The following SNTG1 variants were observed in gnomAD, a reference collection of about 807,000 sequenced individuals.
The protein encoded by SNTG1 is gamma-1-syntrophin.
Under a neutral mutation model 74.7 loss-of-function variants are expected in SNTG1, and 39 were observed. That is an observed-to-expected ratio of 0.52 (90% CI 0.40 to 0.68). SNTG1 has a LOEUF of 0.68. Ranked by LOEUF, SNTG1 falls within the 30% of genes least tolerant of loss-of-function variation. The probability of loss-of-function intolerance (pLI) is 0.00; values close to 1 mark genes in which losing one functional copy is unlikely to be tolerated. For synonymous variants in SNTG1, 254 were observed against 217.1 expected (o/e 1.17, Z -1.49); for missense variants, 685 against 609.5 (o/e 1.12, Z -1.30).
chr8:50,010,510 T>C (rs890311202), intron 1 of SNTG1, among the ~76,000 whole-genome samples: 1 of 152,174 alleles, frequency 6.6e-6, no homozygotes, highest in South Asian at 2.1e-4. Flanking sequence ...TCTGAATGTA[T>C]GATAGGATTA....
chr8:50,614,348 G>A (rs1347142905), intron 13 of SNTG1, among the ~76,000 whole-genome samples: 1 of 151,932 alleles, frequency 6.6e-6, no homozygotes, highest in Non-Finnish European at 1.5e-5. Flanking sequence ...TTTCTTTCTA[G>A]ATAAGAAGGC....
intron 1 of SNTG1, among the ~76,000 whole-genome samples, chr8:50,019,751 A>G (rs1294552191): frequency 6.6e-6 from 1 of 152,104 alleles, no homozygotes; most frequent in Admixed American, 6.6e-5. Context: ...GATAATGAGG[A>G]AATGACTGTA....
chr8:50,266,433 C>T (rs1224361388), intron 2 of SNTG1, among the ~76,000 whole-genome samples: 2 of 151,504 alleles, frequency 1.3e-5, no homozygotes, highest in Non-Finnish European at 2.9e-5. Context: ...CAAAAGTTAA[C>T]TTAAAATAGA....
intron 13 of SNTG1, among the ~76,000 whole-genome samples, chr8:50,625,828 A>G (rs2094952812): frequency 6.6e-6 from 1 of 152,230 alleles, no homozygotes; most frequent in African/African-American, 2.4e-5. Flanking sequence ...CTTAAAAATG[A>G]CAAGAGTTTT....
intron 1 of SNTG1, among the ~76,000 whole-genome samples, chr8:50,033,979 G>A (rs930593655): frequency 5.3e-5 from 8 of 152,120 alleles, no homozygotes; most frequent in Admixed American, 2.6e-4. Flanking sequence ...TGTACTTTTA[G>A]CAGTCACTCT....
intron 15 of SNTG1, among the ~76,000 whole-genome samples, chr8:50,692,886 T>G (rs2095387925): frequency 6.6e-6 from 1 of 152,220 alleles, no homozygotes; most frequent in Non-Finnish European, 1.5e-5. Context: ...CCTTGAGCTG[T>G]GGTAGGCTCC....
chr8:50,071,846 A>T (rs1484642308), intron 1 of SNTG1, among the ~76,000 whole-genome samples: 1 of 151,926 alleles, frequency 6.6e-6, no homozygotes, highest in African/African-American at 2.4e-5. Context: ...TTAATTATGC[A>T]ACAATAAAAA....
chr8:50,726,616 G>A (rs904075946), intron 17 of SNTG1, among the ~76,000 whole-genome samples: 5 of 152,206 alleles, frequency 3.3e-5, no homozygotes, highest in South Asian at 2.1e-4. Context: ...TTGGGAGGCC[G>A]AGGCAGGTGG....
chr8:50,654,906 A>C (rs1371555012), intron 13 of SNTG1, among the ~76,000 whole-genome samples: 3 of 152,172 alleles, frequency 2.0e-5, no homozygotes, highest in Non-Finnish European at 4.4e-5. Context: ...ATGTTTACTA[A>C]GGCCTCCACA....
intron 4 of SNTG1, among the ~76,000 whole-genome samples, chr8:50,433,821 G>T (rs2093270570): frequency 1.3e-5 from 2 of 152,122 alleles, no homozygotes. Flanking sequence ...AAAAAGTCGA[G>T]GGCATAGTTC....
chr8:50,515,504 G>C lies in SNTG1; in HGVS notation c.466+12624G>C, dbSNP rs115363616. ...TGAAGCCAAGGAGCCAAATGGTGTA[G>C]CTCAGCAGATCCCACCCCCACGGAC... On this transcript the variant is annotated intron_variant, in intron 9 of 18. Coordinates refer to ENST00000642720, the MANE Select transcript of SNTG1 (RefSeq NM_018967.5). Among the ~76,000 whole-genome samples the C allele has an allele frequency of 2.8e-3, 415 of 149,530 alleles. 3 individuals are homozygous for C. The highest frequency in any genetic ancestry group is 9.9e-3 in the African/African-American group (399 of 40,502).
chr8:50,182,642 G>A (rs530473279), intron 2 of SNTG1, among the ~76,000 whole-genome samples: 18 of 151,970 alleles, frequency 1.2e-4, no homozygotes, highest in East Asian at 1.9e-4. Flanking sequence ...GTGTGTGTGC[G>A]TGTGTGTGTA....
rs189260472 is a variant in SNTG1, at chr8:50,474,661, C to A, written c.363+23932C>A. 4.8e-3 allele frequency among the ~76,000 whole-genome samples: 730 copies of A among 152,230 alleles called. 1 individual carries two copies. Among genetic ancestry groups the A allele is most frequent in the Admixed American group, 7.5e-3 (115 of 15,286 alleles). On this transcript the variant is annotated intron_variant, in intron 8 of 18. Coordinates refer to ENST00000642720, the MANE Select transcript of SNTG1 (RefSeq NM_018967.5). ...AAACTAGTTCAAATGTTGTGGAAGT[C>A]GGTGTGGCAATTCCTCAGGGATCTA...
intron 17 of SNTG1, among the ~76,000 whole-genome samples, chr8:50,733,039 C>T (rs957919673): frequency 6.6e-6 from 1 of 151,892 alleles, no homozygotes; most frequent in Admixed American, 6.6e-5. Flanking sequence ...GCCACTCAGA[C>T]TGTGAGCATA....
intron 1 of SNTG1, among the ~76,000 whole-genome samples, chr8:50,141,382 T>A (rs1488577536): frequency 6.6e-6 from 1 of 152,184 alleles, no homozygotes; most frequent in Non-Finnish European, 1.5e-5. Context: ...GTTTTTAATT[T>A]CCAGAATTCT....
At chr8:49,941,657 C>T (rs1808703945) in intron 1 of SNTG1, among the ~76,000 whole-genome samples, 1 of 152,148 alleles carries the variant, frequency 6.6e-6, no homozygotes, top group African/African-American at 2.4e-5. Context: ...CTCTGGCTGC[C>T]TGCCTGCCTT....
chr8:50,073,939 G>A (rs1034811863), intron 1 of SNTG1, among the ~76,000 whole-genome samples: 1 of 149,068 alleles, frequency 6.7e-6, no homozygotes, highest in South Asian at 2.2e-4. Flanking sequence ...TAGAGCACAA[G>A]CATACTAGAT....
intron 13 of SNTG1, among the ~76,000 whole-genome samples, chr8:50,633,712 G>A (rs542746431): frequency 6.6e-5 from 10 of 152,190 alleles, no homozygotes; most frequent in African/African-American, 2.4e-4. Context: ...ACTTTGTGTA[G>A]GAAATGAACC....
intron 15 of SNTG1, among the ~76,000 whole-genome samples, chr8:50,693,663 T>C (rs770553028): frequency 6.6e-6 from 1 of 152,156 alleles, no homozygotes; most frequent in Non-Finnish European, 1.5e-5. Flanking sequence ...AGAATACACA[T>C]TCTGCTCAAG....
Sources: gnomAD v4.1 joint callset for allele counts (sites outside exome capture counted in the v4.1 genomes callset) on GRCh38, gnomAD v4.1.1 for gene constraint, MANE v1.5 for transcripts, NCBI Gene and HGNC (gene_info 2026-07-23, HGNC 2026-07-21) for gene names.